Variants in ZNF385D observed in about 807,000 individuals in gnomAD.
ZNF385D encodes the protein zinc finger protein 659.
ZNF385D carries 15 observed loss-of-function variants against 35.8 expected under a neutral mutation model. The observed-to-expected ratio is 0.42, with a 90% CI of 0.28 to 0.64. The LOEUF (loss-of-function observed/expected upper bound fraction) is 0.64. ZNF385D is among the 30% of genes least tolerant of loss of function. The pLI is 0.23. For missense variants in ZNF385D, 474 were observed against 494.6 expected, an observed-to-expected ratio of 0.96 and a Z score of 0.39; for synonymous variants, 212 against 186.8, an observed-to-expected ratio of 1.13 and a Z score of -1.10.
intron 2 of ZNF385D, among the ~76,000 whole-genome samples, chr3:21,636,414 A>ATATAT (rs56114816): frequency 0.094 from 6,060 of 64,210 alleles, 706 homozygotes; most frequent in South Asian, 0.12. Flanking sequence ...ATATATATAT[A>ATATAT]GAGTTTCTTA....
intron 3 of ZNF385D, among the ~76,000 whole-genome samples, chr3:22,031,785 C>T (rs558855682): frequency 3.3e-5 from 5 of 152,286 alleles, no homozygotes; most frequent in Middle Eastern, 3.4e-3. Flanking sequence ...TCTTTTCTAC[C>T]GCATGGTCAC....
intron 3 of ZNF385D, among the ~76,000 whole-genome samples, chr3:21,905,717 T>C (rs1699653422): frequency 6.6e-6 from 1 of 150,462 alleles, no homozygotes; most frequent in South Asian, 2.1e-4. Flanking sequence ...TATATTCAGT[T>C]CAACACACTT....
intron 2 of ZNF385D, among the ~76,000 whole-genome samples, chr3:21,575,434 C>T (rs1355669577): frequency 1.3e-5 from 2 of 152,130 alleles, no homozygotes; most frequent in African/African-American, 4.8e-5. Context: ...AGGTCAAACC[C>T]AAATTTGATG....
chr3:21,898,552 G>C (rs1012328634), intron 3 of ZNF385D, among the ~76,000 whole-genome samples: 1 of 152,066 alleles, frequency 6.6e-6, no homozygotes, highest in East Asian at 1.9e-4. Context: ...AACTAAAGTA[G>C]ATAGATATAT....
At chr3:21,752,003 A>ACAC (rs2070116551), upstream of ZNF385D, among the ~76,000 whole-genome samples, 1 of 45,822 alleles carries the variant, frequency 2.2e-5, no homozygotes, top group Non-Finnish European at 4.8e-5. Context: ...ACACACACAC[A>ACAC]CCCACCCCCC....
chr3:22,027,408 T>A (rs1012311021), intron 3 of ZNF385D, among the ~76,000 whole-genome samples: 14 of 152,194 alleles, frequency 9.2e-5, no homozygotes, highest in African/African-American at 3.4e-4. Flanking sequence ...CCAATAGTGC[T>A]TGAGGAGTCA....
intron 2 of ZNF385D, among the ~76,000 whole-genome samples, chr3:21,583,459 A>C (rs1311956659): frequency 6.6e-6 from 1 of 152,182 alleles, no homozygotes; most frequent in Non-Finnish European, 1.5e-5. Context: ...AAGGGTACAA[A>C]ACAGCTTCAG....
intron 3 of ZNF385D, among the ~76,000 whole-genome samples, chr3:22,066,012 C>A (rs1699931136): frequency 6.6e-6 from 1 of 151,864 alleles, no homozygotes; most frequent in Non-Finnish European, 1.5e-5. Context: ...TGAAAATTAT[C>A]AAAAAATAAG....
chr3:21,439,369 A>G (rs1701745417), intron 4 of ZNF385D, among the ~76,000 whole-genome samples: 1 of 151,354 alleles, frequency 6.6e-6, no homozygotes, highest in Admixed American at 6.6e-5. Context: ...TAGTAAGGTC[A>G]CAGGGAGCAG....
At chr3:22,026,322 C>T (rs961330241) in intron 3 of ZNF385D, among the ~76,000 whole-genome samples, 1 of 152,124 alleles carries the variant, frequency 6.6e-6, no homozygotes, top group Non-Finnish European at 1.5e-5. Context: ...AAGGACCCCC[C>T]TACATTACCG....
chr3:21,841,962 A>G (rs991158966), intron 3 of ZNF385D, among the ~76,000 whole-genome samples: 11 of 151,680 alleles, frequency 7.3e-5, no homozygotes, highest in African/African-American at 2.7e-4. Context: ...ACACAAACAC[A>G]CATATATAAT....
At chr3:21,767,510 A>C (rs539381728) in intron 3 of ZNF385D, among the ~76,000 whole-genome samples, 26 of 152,138 alleles carry the variant, frequency 1.7e-4, no homozygotes, top group African/African-American at 6.0e-4. Context: ...CATACTTGCC[A>C]GTTCCTTTCT....
chr3:21,863,844 C>G (rs1464404799), intron 3 of ZNF385D, among the ~76,000 whole-genome samples: 1 of 152,046 alleles, frequency 6.6e-6, no homozygotes, highest in Non-Finnish European at 1.5e-5. Context: ...GTGGCCAATG[C>G]CAACCCAGGC....
At chr3:22,111,184 T>TTTTTTA (rs1559377207) in intron 3 of ZNF385D, among the ~76,000 whole-genome samples, 1 of 126,950 alleles carries the variant, frequency 7.9e-6, no homozygotes, top group Non-Finnish European at 1.6e-5. Context: ...TTTGTTTTTT[T>TTTTTTA]TGTACTCTCA....
chr3:22,353,790 C>G (rs1353197573), intron 2 of ZNF385D, among the ~76,000 whole-genome samples: 1 of 152,118 alleles, frequency 6.6e-6, no homozygotes, highest in Non-Finnish European at 1.5e-5. Context: ...CATCTTTACA[C>G]TTTCCTATTA....
At chr3:21,913,776 G>A (rs1271649862) in intron 3 of ZNF385D, among the ~76,000 whole-genome samples, 1 of 151,956 alleles carries the variant, frequency 6.6e-6, no homozygotes, top group African/African-American at 2.4e-5. Flanking sequence ...TGTACCATTC[G>A]GCAGCCATCC....
At chr3:21,509,520 G>T (rs1365137638) in intron 4 of ZNF385D, among the ~76,000 whole-genome samples, 1 of 152,120 alleles carries the variant, frequency 6.6e-6, no homozygotes, top group African/African-American at 2.4e-5. Context: ...TAATAAAATG[G>T]CACAATCCAG....
At chr3:22,340,858 G>A (rs1695389471) in intron 2 of ZNF385D, among the ~76,000 whole-genome samples, 1 of 152,206 alleles carries the variant, frequency 6.6e-6, no homozygotes, top group Admixed American at 6.5e-5. Context: ...CAGGAGCCAT[G>A]TCAGCTTCAA....
intron 3 of ZNF385D, among the ~76,000 whole-genome samples, chr3:21,811,410 G>C (rs1026163737): frequency 3.9e-5 from 6 of 152,146 alleles, no homozygotes; most frequent in Non-Finnish European, 7.4e-5. Flanking sequence ...TTATAGTCAG[G>C]TCAAAAGAAA....
Sources: gnomAD v4.1 joint callset for allele counts (sites outside exome capture counted in the v4.1 genomes callset) on GRCh38, gnomAD v4.1.1 for gene constraint, MANE v1.5 for transcripts, NCBI Gene and HGNC (gene_info 2026-07-23, HGNC 2026-07-21) for gene names.